Variants in KIF12 observed in about 807,000 individuals in gnomAD.
The protein encoded by KIF12 is kinesin family member 12.
Under a neutral mutation model 87.9 loss-of-function variants are expected in KIF12, and 80 were observed. The ratio of observed to expected loss-of-function variants is 0.91; its 90% CI spans 0.76 to 1.10. The LOEUF (loss-of-function observed/expected upper bound fraction) is 1.10, where lower values mean the gene tolerates loss of function less well. Among genes scored for constraint, KIF12 ranks in the 50% least tolerant of loss-of-function variants. The probability of loss-of-function intolerance (pLI) is 0.00; values close to 1 mark genes in which losing one functional copy is unlikely to be tolerated. For synonymous variants in KIF12, 353 were observed against 348.5 expected (o/e 1.01, Z -0.14); for missense variants, 819 against 865.3 (o/e 0.95, Z 0.67).
chr9:114,093,667 G>C (rs568532805), intron 14 of KIF12, among the ~76,000 whole-genome samples, 170 bp from the exon 15 acceptor site: 3 of 152,204 alleles, frequency 2.0e-5, no homozygotes, highest in Non-Finnish European at 2.9e-5. Flanking sequence ...AAGCCTATAA[G>C]TAGGCACGAC....
chr9:114,098,197 G>A lies in KIF12; in HGVS notation c.300-7C>T. The A allele has an allele frequency of 3.2e-6, 5 of 1,543,518 alleles. No individual in the cohort carries two copies. The highest frequency in any genetic ancestry group is 4.4e-6 in the Non-Finnish European group (5 of 1,144,776). On this transcript the variant is annotated splice_polypyrimidine_tract_variant and splice_region_variant and intron_variant, in intron 4 of 18. Coordinates refer to ENST00000640217, the MANE Select transcript of KIF12 (RefSeq NM_001388308.1). Reference sequence around the variant, plus strand: ...GAAAACAGTGCAGGAGAAACTGCGGGCGGCAAGGGCGTGGCTGGACTCCGG... The same window carrying A: ...GAAAACAGTGCAGGAGAAACTGCGGACGGCAAGGGCGTGGCTGGACTCCGG...
At position 114,099,291 on chromosome 9, in the gene KIF12, A is replaced by G. The variant is rs980908556; in HGVS notation, c.-15T>C. On this transcript the variant is annotated 5_prime_UTR_variant, in exon 1 of 19. Transcript: ENST00000640217. Reference sequence around the variant, plus strand: ...CGTTCTTCCATGTCCTGCTCTGCACACGGAGTTAGCTCCGCCCGCGTCTCC... The same window carrying G: ...CGTTCTTCCATGTCCTGCTCTGCACGCGGAGTTAGCTCCGCCCGCGTCTCC... 8 of 1,550,878 alleles carry G rather than the reference A, an allele frequency of 5.2e-6. No homozygotes were observed. The highest frequency in any genetic ancestry group is 6.1e-6 in the Non-Finnish European group (7 of 1,147,018).
Position 114,098,340 on chromosome 9 carries a change from C to A in KIF12, c.261G>T (p.Ala87=). The part of the protein sequence containing the change: ...AARTQEDVFR[A]CGVRRLGELA... ...GCTCCCCCAGGCGCCGCACGCCGCA[C>A]GCCCGGAACACGTCCTCCTGCGTGC... The change falls in exon 4 of 19, where the codon GCG becomes GCT. Residue 87 remains alanine (A), a synonymous_variant. Transcript: ENST00000640217. 6.7e-7 allele frequency: 1 copy of A among 1,487,974 alleles called. No individual in the cohort carries two copies. The highest frequency in any genetic ancestry group is 8.9e-7 in the Non-Finnish European group (1 of 1,123,644). 92.2% of individuals were successfully genotyped at this position (1,487,974 alleles called of 1,614,324 possible).
chr9:114,094,077 G>C, intron 13 of KIF12, 104 bp downstream of exon 13: 1 of 1,438,588 alleles, frequency 7.0e-7, no homozygotes, highest in South Asian at 1.1e-5. Context: ...AAGCAGGTGG[G>C]GACATAAGGG....
At position 114,097,401 on chromosome 9, in the gene KIF12, G is replaced by C; in HGVS notation, c.546C>G (p.Pro182=). Residue 182 remains proline (P), a synonymous_variant, in exon 7 of 19, where the codon CCC becomes CCG. Coordinates refer to ENST00000640217, the MANE Select transcript of KIF12 (RefSeq NM_001388308.1). ...RDLLSLGSPR[P]LPVRWNKTRG... ...GAGTCTTGTTCCAGCGAACAGGGAG[G>C]GGCCGGGGAGACCCCAGGCTCAGCA... is the stretch of plus-strand genomic sequence containing the variant. 6.2e-7 allele frequency: 1 copy of C among 1,602,488 alleles called. No homozygotes were observed. The highest frequency in any genetic ancestry group is 2.2e-5 in the East Asian group (1 of 44,778).
At chr9:114,098,241 G>C in intron 4 of KIF12, 51 bp from the exon 5 acceptor site, 1 of 1,502,962 alleles carries the variant, frequency 6.7e-7, no homozygotes, top group Non-Finnish European at 8.9e-7. Context: ...CGGGGTGGGG[G>C]CTGGGGGTGC....
At chr9:114,092,508 C>G (rs746946030) in intron 17 of KIF12, 34 bp downstream of exon 17, 4 of 1,613,402 alleles carry the variant, frequency 2.5e-6, no homozygotes, top group Non-Finnish European at 2.5e-6. Context: ...CCAGACCACC[C>G]CTCTCTGACC....
Position 114,091,711 on chromosome 9 carries a change from C to T in KIF12, c.*150G>A. On this transcript the variant is annotated 3_prime_UTR_variant, in exon 19 of 19. Transcript: ENST00000640217. Reference sequence around the variant, plus strand: ...GGTTTCTCCTGAATCCCCTTGTTCCCCTAAATAGCACCCCCAGTCCCCGCC... The same window carrying T: ...GGTTTCTCCTGAATCCCCTTGTTCCTCTAAATAGCACCCCCAGTCCCCGCC... 1.4e-6 allele frequency: 1 copy of T among 737,380 alleles called. No homozygotes were observed. The highest frequency in any genetic ancestry group is 2.1e-6 in the Non-Finnish European group (1 of 473,008). 45.7% of individuals were successfully genotyped at this position (737,380 alleles called of 1,614,324 possible).
Position 114,092,647 on chromosome 9 carries a change from A to G in KIF12, c.1597-5T>C, listed in dbSNP as rs1412304030. The G allele has an allele frequency of 6.3e-7, 1 of 1,579,380 alleles. No homozygotes were observed. Among genetic ancestry groups the G allele is most frequent in the Non-Finnish European group, 8.6e-7 (1 of 1,167,068 alleles). On this transcript the variant is annotated splice_region_variant and splice_polypyrimidine_tract_variant and intron_variant, in intron 16 of 18. Transcript: ENST00000640217. The stretch of plus-strand genomic sequence containing the variant: ...TGAGGCCTCAGGGTCCAACACCTGT[A>G]GGAAAGACCAGAGTCCACTCTGGGT...
chr9:114,094,433 T>G lies in KIF12; in HGVS notation c.1142A>C (p.Gln381Pro). 6.2e-7 allele frequency: 1 copy of G among 1,613,542 alleles called. No individual in the cohort carries two copies. Among genetic ancestry groups the G allele is most frequent in the Non-Finnish European group, 8.5e-7 (1 of 1,179,588 alleles). Residue 381 changes from glutamine (Q) to proline (P), a missense_variant, in exon 12 of 19, where the codon CAG becomes CCG. Gln to Pro is a moderately conservative substitution (Grantham distance 76). Coordinates refer to ENST00000640217, the MANE Select transcript of KIF12 (RefSeq NM_001388308.1). ...CTGCAGCATCTCTGTCTCCAAACGC[T>G]GGGGCTGCTTTGCCACAGGAGACTG... ...APKSPVAKQPQRLETEMLQLQ... is the reference protein window; with the variant it reads ...APKSPVAKQPPRLETEMLQLQ...
chr9:114,099,151 C>T lies in KIF12; in HGVS notation c.45G>A (p.Leu15=). Residue 15 remains leucine (L), a synonymous_variant, in exon 2 of 19, where the codon CTG becomes CTA. Transcript: ENST00000640217. The stretch of plus-strand genomic sequence containing the variant: ...TTTCCGGCCCCTCTGGCCCTTGCTC[C>T]AGGCTCCGCGCGAGATCCCTGTGGG... ...GSPDGDLARS[L]EQGPEGPETP... 1 of 1,550,724 alleles carries T rather than the reference C, an allele frequency of 6.4e-7. No individual in the cohort carries two copies. The highest frequency in any genetic ancestry group is 8.7e-7 in the Non-Finnish European group (1 of 1,147,032).
In KIF12 at chr9:114,095,210, G is replaced by C. The variant is rs76366459; in HGVS notation, c.1014+4C>G. 1,575 of 1,613,496 alleles carry C rather than the reference G, an allele frequency of 9.8e-4. 17 individuals carry two copies. In the African/African-American group the frequency reaches 0.018, roughly 19 times the overall value. Reference sequence around the variant, plus strand: ...ACCTTCCCTGCCAGGCCCCGCTTAAGTACCATGAGGGTGACCCCGCGCCCT... The same window carrying C: ...ACCTTCCCTGCCAGGCCCCGCTTAACTACCATGAGGGTGACCCCGCGCCCT... On this transcript the variant is annotated splice_donor_region_variant and intron_variant, in intron 10 of 18. Coordinates refer to ENST00000640217, the MANE Select transcript of KIF12 (RefSeq NM_001388308.1).
At chr9:114,094,304 G>A (rs964547824) in intron 12 of KIF12, 33 bp from the exon 13 acceptor site, 2 of 1,611,372 alleles carry the variant, frequency 1.2e-6, no homozygotes, top group Admixed American at 1.7e-5. Context: ...GGATCCACAG[G>A]AGCCCCAGAC....
intron 8 of KIF12, 48 bp downstream of exon 8, chr9:114,096,339 C>T: frequency 2.5e-6 from 4 of 1,598,740 alleles, no homozygotes; most frequent in Non-Finnish European, 3.4e-6. Context: ...GATACAGACC[C>T]TTGCTTGGTG....
At chr9:114,092,711 G>A (rs1588499061) in intron 16 of KIF12, 69 bp from the exon 17 acceptor site, 5 of 1,527,544 alleles carry the variant, frequency 3.3e-6, no homozygotes, top group Non-Finnish European at 4.4e-6. Context: ...CCTACCTGGT[G>A]CTAGCCATGA....
Position 114,093,388 on chromosome 9 carries a change from G to C in KIF12, c.1491+19C>G. On this transcript the variant is annotated intron_variant, in intron 15 of 18. Transcript: ENST00000640217. ...ACATCCCTACTTGTCACCCCTCCAG[G>C]CTGGGCCGTGAGACTCACATGGCAA... 1 of 1,558,586 alleles carries C rather than the reference G, an allele frequency of 6.4e-7. No homozygotes were observed. The highest frequency in any genetic ancestry group is 1.2e-5 in the South Asian group (1 of 84,258).
chr9:114,093,744 C>T, intron 14 of KIF12, 142 bp downstream of exon 14: 1 of 726,358 alleles, frequency 1.4e-6, no homozygotes, highest in Non-Finnish European at 2.3e-6. Context: ...CCCCAGGTGA[C>T]ACAGCTAGTA....
At position 114,095,217 on chromosome 9, in the gene KIF12, G is replaced by A. The variant is rs751815395; in HGVS notation, c.1011C>T (p.Leu337=). Residue 337 remains leucine (L), a synonymous_variant, in exon 10 of 19, where the codon CTC becomes CTT. Transcript: ENST00000640217. ...ADSLGGRGVT[L]MVACVSPSAQ... is the part of the protein sequence containing the mutation. ...CTGCCAGGCCCCGCTTAAGTACCAT[G>A]AGGGTGACCCCGCGCCCTCCCAGTG... is the stretch of plus-strand genomic sequence containing the variant. 25 of 1,613,562 alleles carry A rather than the reference G, an allele frequency of 1.5e-5. No individual in the cohort carries two copies. The highest frequency in any genetic ancestry group is 2.0e-5 in the Non-Finnish European group (24 of 1,180,010).
Position 114,098,939 on chromosome 9 carries a change from A to G in KIF12, c.167T>C (p.Leu56Pro). 4.5e-6 allele frequency: 7 copies of G among 1,548,440 alleles called. No individual in the cohort carries two copies. Among genetic ancestry groups the G allele is most frequent in the Non-Finnish European group, 6.1e-6 (7 of 1,145,726 alleles). The change falls in exon 3 of 19, where the codon CTG becomes CCG. Residue 56 changes from leucine to proline, a missense_variant. Transcript: ENST00000640217. ...ATAGAGAGAGGGGTTCCTCACCTGC[A>G]GAGTCCGGGTCCCTGAGCAGTGCAG... Reference protein sequence around the residue: ...SVLHCSGTRTLQVSPPGGGPE... With the variant: ...SVLHCSGTRTPQVSPPGGGPE...
Sources: gnomAD v4.1 joint callset for allele counts (sites outside exome capture counted in the v4.1 genomes callset) on GRCh38, gnomAD v4.1.1 for gene constraint, MANE v1.5 for transcripts, NCBI Gene and HGNC (gene_info 2026-07-23, HGNC 2026-07-21) for gene names.